The following SPATA17 variants were observed in gnomAD, a reference collection of about 807,000 sequenced individuals.
SPATA17 encodes spermatogenesis-associated protein 17.
Under a neutral mutation model 62.2 loss-of-function variants are expected in SPATA17, and 53 were observed. The ratio of observed to expected loss-of-function variants is 0.85; its 90% CI spans 0.68 to 1.07. SPATA17 has a LOEUF of 1.07. Ranked by LOEUF, SPATA17 falls within the 50% of genes least tolerant of loss-of-function variation. SPATA17 has a pLI of 0.00. For missense variants in SPATA17, 466 were observed against 425.5 expected (o/e 1.10, Z -0.84); for synonymous variants, 146 against 146.8 (o/e 0.99, Z 0.04).
At chr1:217,742,331 T>C (rs960523228) in intron 6 of SPATA17, among the ~76,000 whole-genome samples, 2 of 152,212 alleles carry the variant, frequency 1.3e-5, no homozygotes, top group Non-Finnish European at 2.9e-5. Context: ...AAGTCAGCAG[T>C]GTGATCTGCC....
Position 217,801,742 on chromosome 1 carries a change from TA to T in SPATA17, c.902del (p.Asn301MetfsTer69). ...GGTTTTTGCCATTTTCTTCATACCA[TA>T]AAAATGAAAAGTACATCCCATCAAT... ...NMFLPFSSYH[K>X]NEKYIPSMHL... is the part of the protein sequence containing the mutation. On this transcript the variant is annotated frameshift_variant, in exon 9 of 11. Transcript: ENST00000366933. LOFTEE classifies it high-confidence loss of function. 4 of 1,605,882 alleles carry T rather than the reference TA, an allele frequency of 2.5e-6. No homozygotes were observed. Among genetic ancestry groups the T allele is most frequent in the Non-Finnish European group, 2.5e-6 (3 of 1,177,294 alleles).
At chr1:217,690,521 G>A (rs1337908914) in intron 5 of SPATA17, among the ~76,000 whole-genome samples, 9 of 134,650 alleles carry the variant, frequency 6.7e-5, no homozygotes, top group Non-Finnish European at 1.3e-4. Context: ...TAAGTTTTAG[G>A]GTACATGTGC....
rs1289364799 is a variant in SPATA17 at position 217,693,460 on chromosome 1, T to A, written c.395+10099T>A. 5.1e-5 allele frequency among the ~76,000 whole-genome samples: 7 copies of A among 138,354 alleles called. 1 individual carries two copies. The highest frequency in any genetic ancestry group is 1.9e-4 in the African/African-American group (7 of 36,674). The allele number at this position is 138,354 out of a possible 152,430, so 90.8% of individuals were successfully genotyped here. A position where few individuals can be genotyped will look rare whatever the true frequency, so the allele number is the denominator to read the frequency against. ...AAAACCAGCTCCTGGATTCATTGAT[T>A]TTTTGAAGGGTTTTTTGTGTCTTTA... On this transcript the variant is annotated intron_variant, in intron 5 of 10. Transcript: ENST00000366933.
In SPATA17 at chr1:217,735,615, A is replaced by G. The variant is rs562911650; in HGVS notation, c.396-6360A>G. Among the ~76,000 whole-genome samples, 13 of 152,338 alleles carry G rather than the reference A, an allele frequency of 8.5e-5. No individual in the cohort carries two copies. The East Asian group carries it at 2.5e-3, about 29-fold the overall frequency. Reference sequence around the variant, plus strand: ...TAATGTGTTGCAGAAGGTAATGGACATATTAAAGAGAAATAAAGGATTCAT... The same window carrying G: ...TAATGTGTTGCAGAAGGTAATGGACGTATTAAAGAGAAATAAAGGATTCAT... On this transcript the variant is annotated intron_variant, in intron 5 of 10. Transcript: ENST00000366933.
chr1:217,842,582 C>A (rs1420550273), intron 9 of SPATA17, among the ~76,000 whole-genome samples: 1 of 151,526 alleles, frequency 6.6e-6, no homozygotes, highest in East Asian at 1.9e-4. Flanking sequence ...GCTCATGATC[C>A]ATTTTATTAT....
rs142956080 is a variant in SPATA17, at chr1:217,735,575, G to A, written c.396-6400G>A. Among the ~76,000 whole-genome samples, 529 of 152,270 alleles carry A rather than the reference G, an allele frequency of 3.5e-3. 2 individuals are homozygous for A. The highest frequency in any genetic ancestry group is 5.2e-3 in the Non-Finnish European group (351 of 68,022). The stretch of plus-strand genomic sequence containing the variant: ...GAGGGAGAGTTAGCAAGTCATGCAT[G>A]CATACCTACAACTATAATGTGTTGC... On this transcript the variant is annotated intron_variant, in intron 5 of 10. Coordinates refer to ENST00000366933, the MANE Select transcript of SPATA17 (RefSeq NM_138796.4).
intron 5 of SPATA17, among the ~76,000 whole-genome samples, chr1:217,727,841 C>T (rs975367569): frequency 6.6e-6 from 1 of 152,144 alleles, no homozygotes; most frequent in African/African-American, 2.4e-5. Flanking sequence ...GTTTCGTATC[C>T]TTAGTCAAGT....
rs193223455 is a variant in SPATA17, at chr1:217,648,822, T to C, written c.69-60T>C. ...AAATTAAAAATCAAGTTTAACAGGT[T>C]GACTTGCTTTAGAATTATATTAGTT... On this transcript the variant is annotated intron_variant, in intron 1 of 10. Coordinates refer to ENST00000366933, the MANE Select transcript of SPATA17 (RefSeq NM_138796.4). The C allele has an allele frequency of 1.1e-3, 1,077 of 992,808 alleles. 19 individuals carry two copies. In the Admixed American group the frequency reaches 0.026, roughly 24 times the overall value. The allele number at this position is 992,808 out of a possible 1,614,324, so 61.5% of individuals were successfully genotyped here. A position where few individuals can be genotyped will look rare whatever the true frequency, so the allele number is the denominator to read the frequency against.
chr1:217,845,614 C>T (rs1567449), intron 9 of SPATA17, among the ~76,000 whole-genome samples: 120,645 of 151,910 alleles, frequency 0.79, 48,393 homozygotes, highest in Admixed American at 0.83. Context: ...TCATTCGTTA[C>T]CCTGAACTTT....
intron 9 of SPATA17, among the ~76,000 whole-genome samples, chr1:217,820,299 C>T (rs957622383): frequency 3.3e-5 from 5 of 151,916 alleles, no homozygotes; most frequent in African/African-American, 4.8e-5. Context: ...GAAGTTTTCT[C>T]TGGATACAAT....
Position 217,704,230 on chromosome 1 carries a change from CTTTTTTTTT to C in SPATA17, c.395+20892_395+20900del, listed in dbSNP as rs560591615. Among the ~76,000 whole-genome samples the C allele has an allele frequency of 7.9e-4, 33 of 41,708 alleles. No homozygotes were observed. In the East Asian group the frequency reaches 0.02, roughly 25 times the overall value. The allele number at this position is 41,708 out of a possible 152,430, so 27.4% of individuals were successfully genotyped here. A position where few individuals can be genotyped will look rare whatever the true frequency, so the allele number is the denominator to read the frequency against. On this transcript the variant is annotated intron_variant, in intron 5 of 10. Transcript: ENST00000366933. ...TCCTAACTCTCCTCCTTCCCTCTAC[CTTTTTTTTT>C]TTTTTTTTTTTTTTTTTTTTTTGAG...
chr1:217,699,886 A>G (rs1300769960), intron 5 of SPATA17, among the ~76,000 whole-genome samples: 1 of 152,136 alleles, frequency 6.6e-6, no homozygotes, highest in East Asian at 1.9e-4. Flanking sequence ...GACAATGGAT[A>G]TCTAATTGTT....
At chr1:217,722,645 T>C (rs1351814126) in intron 5 of SPATA17, among the ~76,000 whole-genome samples, 4 of 152,194 alleles carry the variant, frequency 2.6e-5, no homozygotes, top group African/African-American at 9.6e-5. Flanking sequence ...AGAATAAATC[T>C]TTTTCCAATT....
At chr1:217,800,728 A>C (rs983983394) in intron 8 of SPATA17, among the ~76,000 whole-genome samples, 1 of 152,084 alleles carries the variant, frequency 6.6e-6, no homozygotes, top group Non-Finnish European at 1.5e-5. Flanking sequence ...CAGTTTTCTT[A>C]ACTCTTTTGT....
intron 3 of SPATA17, among the ~76,000 whole-genome samples, chr1:217,666,256 C>T (rs945409628): frequency 6.6e-6 from 1 of 152,036 alleles, no homozygotes; most frequent in Non-Finnish European, 1.5e-5. Flanking sequence ...TATTAACATT[C>T]CGTAGGTACA....
chr1:217,654,586 A>C (rs936367142), intron 3 of SPATA17, among the ~76,000 whole-genome samples: 5 of 152,088 alleles, frequency 3.3e-5, no homozygotes, highest in African/African-American at 1.2e-4. Flanking sequence ...AAGTGAAAAA[A>C]TTTGCATTAT....
intron 5 of SPATA17, among the ~76,000 whole-genome samples, chr1:217,717,920 G>A (rs557675064): frequency 3.9e-5 from 6 of 152,108 alleles, no homozygotes; most frequent in Non-Finnish European, 5.9e-5. Flanking sequence ...CTGTAATTTG[G>A]CATCTTAAAA....
chr1:217,704,475 C>T (rs562518356), intron 5 of SPATA17, among the ~76,000 whole-genome samples: 1 of 151,236 alleles, frequency 6.6e-6, no homozygotes, highest in Non-Finnish European at 1.5e-5. Context: ...TGGTCTCGAT[C>T]TCCTGACCTC....
At chr1:217,838,843 T>C (rs1675322013) in intron 9 of SPATA17, among the ~76,000 whole-genome samples, 1 of 152,104 alleles carries the variant, frequency 6.6e-6, no homozygotes, top group Non-Finnish European at 1.5e-5. Context: ...TTTGTCATCT[T>C]AGAAGGTTTA....
Sources: gnomAD v4.1 joint callset for allele counts (sites outside exome capture counted in the v4.1 genomes callset) on GRCh38, gnomAD v4.1.1 for gene constraint, MANE v1.5 for transcripts, NCBI Gene and HGNC (gene_info 2026-07-23, HGNC 2026-07-21) for gene names.